Variants in SENP6 observed in about 807,000 individuals in gnomAD.
SENP6 encodes SUMO specific peptidase 6, also known as sentrin-specific protease 6.
Under a neutral mutation model 134.5 loss-of-function variants are expected in SENP6, and 41 were observed. That is an observed-to-expected ratio of 0.30 (90% CI 0.24 to 0.40). The LOEUF (loss-of-function observed/expected upper bound fraction) is 0.40. Among genes scored for constraint, SENP6 ranks in the 10% least tolerant of loss-of-function variants. The probability of loss-of-function intolerance (pLI) is 1.00; values close to 1 mark genes in which losing one functional copy is unlikely to be tolerated. For missense variants in SENP6, 1,248 were observed against 1,312.5 expected, an observed-to-expected ratio of 0.95 and a Z score of 0.76; for synonymous variants, 395 against 429.8, an observed-to-expected ratio of 0.92 and a Z score of 1.00.
chr6:75,675,468 G>A lies in SENP6; in HGVS notation c.1426G>A (p.Glu476Lys). The change falls in exon 12 of 24, where the codon GAA becomes AAA. Residue 476 changes from glutamate (E) to lysine (K), a missense_variant and splice_region_variant. Transcript: ENST00000447266. Reference sequence around the variant, plus strand: ...AGATTTTATCAAGATACAGCTAGACGGTAAGCTATTTTATGTCTTTTTACT... The same window carrying A: ...AGATTTTATCAAGATACAGCTAGACAGTAAGCTATTTTATGTCTTTTTACT... ...CLDFIKIQLD[E>K]PDHDPVEIIL... 2 of 1,442,766 alleles carry A rather than the reference G, an allele frequency of 1.4e-6. No individual in the cohort carries two copies. The highest frequency in any genetic ancestry group is 1.9e-6 in the Non-Finnish European group (2 of 1,050,182). The allele number at this position is 1,442,766 out of a possible 1,614,324, so 89.4% of individuals were successfully genotyped here. A position where few individuals can be genotyped will look rare whatever the true frequency, so the allele number is the denominator to read the frequency against.
chr6:75,666,939 C>G lies in SENP6; in HGVS notation c.1222C>G (p.Gln408Glu). 1.3e-6 allele frequency: 2 copies of G among 1,588,604 alleles called. No homozygotes were observed. The highest frequency in any genetic ancestry group is 1.1e-5 in the South Asian group (1 of 88,952). ...GCCAAGAAAAGCAAGAATGAAAGAC[C>G]AGGTACTTTTCACTTTTGTTGACAT... ...TLPRKARMKD[Q>E]FGNSIINTPL... Residue 408 changes from glutamine (Q) to glutamate (E), a missense_variant and splice_region_variant, in exon 10 of 24, where the codon CAG becomes GAG. Physicochemically the swap from Gln to Glu is conservative, Grantham distance 29. Transcript: ENST00000447266.
At chr6:75,622,600 T>C (rs1028690666) in intron 2 of SENP6, among the ~76,000 whole-genome samples, 1 of 152,202 alleles carries the variant, frequency 6.6e-6, no homozygotes, top group Admixed American at 6.5e-5. Context: ...TTTTAGTTTT[T>C]TGATTTATTG....
intron 16 of SENP6, among the ~76,000 whole-genome samples, chr6:75,682,472 G>C (rs1426187311): frequency 1.3e-5 from 2 of 151,620 alleles, no homozygotes; most frequent in Admixed American, 1.3e-4. Flanking sequence ...TTGATACATA[G>C]GTATACATGT....
At chr6:75,707,708 C>G (rs182401022) in intron 19 of SENP6, among the ~76,000 whole-genome samples, 66 of 151,896 alleles carry the variant, frequency 4.3e-4, no homozygotes, top group African/African-American at 1.6e-3. Flanking sequence ...TTTTTTGAGA[C>G]AGTCTCACTT....
intron 16 of SENP6, among the ~76,000 whole-genome samples, chr6:75,683,894 C>G (rs1226720724): frequency 6.6e-6 from 1 of 152,026 alleles, no homozygotes; most frequent in East Asian, 1.9e-4. Flanking sequence ...TTTTTTGGTT[C>G]CATATGAACT....
intron 7 of SENP6, among the ~76,000 whole-genome samples, chr6:75,652,682 T>TAAAAAAAAAAA (rs1770966666): frequency 2.7e-4 from 1 of 3,680 alleles, no homozygotes; most frequent in Non-Finnish European, 6.1e-4. Flanking sequence ...ACTAAAAATC[T>TAAAAAAAAAAA]CAAAAAAAAA....
chr6:75,655,034 C>G (rs555138830), intron 7 of SENP6: 2 of 152,300 alleles, frequency 1.3e-5, no homozygotes, highest in African/African-American at 4.8e-5. Flanking sequence ...AACTAGAGTT[C>G]AATATTTGTT....
At chr6:75,679,681 A>G (rs1246066806) in intron 16 of SENP6, 1 of 152,210 alleles carries the variant, frequency 6.6e-6, no homozygotes, top group African/African-American at 2.4e-5. Flanking sequence ...AACATAACAC[A>G]TGTATACACC....
At chr6:75,709,712 G>A in intron 20 of SENP6, 82 bp downstream of exon 20, 1 of 905,642 alleles carries the variant, frequency 1.1e-6, no homozygotes, top group Non-Finnish European at 1.7e-6. Flanking sequence ...GTGCACACCT[G>A]TAGTCCCAGT....
chr6:75,656,891 A>G (rs1582784743), intron 7 of SENP6, among the ~76,000 whole-genome samples: 1 of 152,200 alleles, frequency 6.6e-6, no homozygotes, highest in African/African-American at 2.4e-5. Context: ...AATTATATCA[A>G]AGCTTTGGAC....
At chr6:75,707,919 G>T (rs182611381) in intron 19 of SENP6, among the ~76,000 whole-genome samples, 6 of 152,162 alleles carry the variant, frequency 3.9e-5, no homozygotes, top group Admixed American at 1.3e-4. Flanking sequence ...CTGAACTCAG[G>T]TGATCCTCCT....
Position 75,703,021 on chromosome 6 carries a change from A to G in SENP6, c.2665A>G (p.Lys889Glu), listed in dbSNP as rs758256014. 29 of 1,613,380 alleles carry G rather than the reference A, an allele frequency of 1.8e-5. No homozygotes were observed. In the East Asian group the frequency reaches 4.7e-4, roughly 26 times the overall value. ...ATCCCAGAAAGTTGCTGATAGGACT[A>G]AAAGTGAGAATGGCCTACAGAATGA... ...STSQKVADRT[K>E]SENGLQNESL... The change falls in exon 19 of 24, where the codon AAA (lysine) becomes GAA (glutamate). Residue 889 changes from lysine to glutamate, a missense_variant. This residue lies in a region of SENP6 where 386 missense variants were observed against 395.0 expected (regional missense o/e 0.98). Coordinates refer to ENST00000447266, the MANE Select transcript of SENP6 (RefSeq NM_015571.4).
Position 75,631,553 on chromosome 6 carries a change from A to G in SENP6, c.208-2028A>G, listed in dbSNP as rs546648324. 6.6e-5 allele frequency among the ~76,000 whole-genome samples: 10 copies of G among 152,338 alleles called. No individual in the cohort carries two copies. In the South Asian group the frequency reaches 8.3e-4, roughly 13 times the overall value. ...GGTTTTTACGTTTTTAAATGCTTGG[A>G]AGAAAGAATCAAATGAATTCTATTT... On this transcript the variant is annotated intron_variant, in intron 3 of 23. Coordinates refer to ENST00000447266, the MANE Select transcript of SENP6 (RefSeq NM_015571.4).
chr6:75,654,597 G>A (rs796970204), intron 7 of SENP6, among the ~76,000 whole-genome samples: 12 of 152,236 alleles, frequency 7.9e-5, no homozygotes, highest in African/African-American at 2.9e-4. Context: ...GCTACATGAT[G>A]GAGAAAACCA....
chr6:75,602,776 C>A (rs1165387115), intron 1 of SENP6, among the ~76,000 whole-genome samples, 200 bp downstream of exon 1: 1 of 152,112 alleles, frequency 6.6e-6, no homozygotes, highest in African/African-American at 2.4e-5. Context: ...GGCTGCGAGC[C>A]GGTTCGGCCC....
chr6:75,663,530 A>G lies in SENP6; in HGVS notation c.994+12A>G. The G allele has an allele frequency of 6.3e-7, 1 of 1,591,810 alleles. No individual in the cohort carries two copies. The highest frequency in any genetic ancestry group is 1.8e-5 in the Admixed American group (1 of 56,808). The stretch of plus-strand genomic sequence containing the variant: ...CCTAAATGATCCAAGTAAGTATTTT[A>G]CTCCCTTTAATATTGCTTATATCAA... On this transcript the variant is annotated intron_variant, in intron 9 of 23. Transcript: ENST00000447266.
chr6:75,640,028 A>G (rs932250140), intron 5 of SENP6, among the ~76,000 whole-genome samples: 3 of 152,194 alleles, frequency 2.0e-5, no homozygotes, highest in East Asian at 1.9e-4. Context: ...TGAATTTGCT[A>G]TGATAACATT....
intron 16 of SENP6, among the ~76,000 whole-genome samples, chr6:75,693,499 G>A (rs903661365): frequency 2.0e-5 from 3 of 151,732 alleles, no homozygotes; most frequent in African/African-American, 4.8e-5. Context: ...ATAGTCCCTG[G>A]ACTGATAGCT....
intron 1 of SENP6, 133 bp downstream of exon 1, chr6:75,602,709 C>A (rs1004783482): frequency 5.4e-6 from 5 of 931,794 alleles, no homozygotes; most frequent in Middle Eastern, 5.0e-4. Flanking sequence ...TGAGCGATGA[C>A]GGGGAGGGAG....
Sources: gnomAD v4.1 joint callset for allele counts (sites outside exome capture counted in the v4.1 genomes callset) on GRCh38, gnomAD v4.1.1 for gene constraint, gnomAD v4.1.1 regional missense constraint, MANE v1.5 for transcripts, NCBI Gene and HGNC (gene_info 2026-07-23, HGNC 2026-07-21) for gene names.